USP54: variants seen among roughly 807,000 people sequenced by gnomAD.
USP54 encodes ubiquitin specific peptidase 54.
In USP54, 87 loss-of-function variants were observed where a neutral mutation model predicts 170.5. That is an observed-to-expected ratio of 0.51 (90% CI 0.43 to 0.61). The LOEUF (loss-of-function observed/expected upper bound fraction) is 0.61. USP54 is among the 20% of genes least tolerant of loss of function. The probability of loss-of-function intolerance (pLI) is 0.00; values close to 1 mark genes in which losing one functional copy is unlikely to be tolerated. For synonymous variants in USP54, 655 were observed against 742.8 expected, an observed-to-expected ratio of 0.88 and a Z score of 1.92; for missense variants, 1,786 against 2,047.8, an observed-to-expected ratio of 0.87 and a Z score of 2.47.
At chr10:73,522,485 T>C (rs1260586735) in intron 17 of USP54, among the ~76,000 whole-genome samples, 2 of 152,176 alleles carry the variant, frequency 1.3e-5, no homozygotes, top group African/African-American at 4.8e-5. Context: ...ATATTGCCAG[T>C]GGGATCTCCT....
Position 73,516,961 on chromosome 10 carries a change from C to G in USP54, c.3465G>C (p.Leu1155Phe). The G allele has an allele frequency of 1.2e-6, 2 of 1,614,212 alleles. No individual in the cohort carries two copies. Among genetic ancestry groups the G allele is most frequent in the Non-Finnish European group, 1.7e-6 (2 of 1,180,044 alleles). ...RDSTGFKDRS[L>F]SGSLRKNSSP... ...AAGAGTTCTTCCTTAGACTACCTGA[C>G]AAACTTCTATCCTTGAAACCTGTAC... The change falls in exon 20 of 24, where the codon TTG becomes TTC. Residue 1155 changes from leucine to phenylalanine, a missense_variant. Leu to Phe is a conservative substitution (Grantham distance 22). Around this residue, in one of 3 missense-constraint regions of USP54, gnomAD observed 1,418 missense variants for 1,569.0 expected, o/e 0.90. Coordinates refer to ENST00000687698, the MANE Select transcript of USP54 (RefSeq NM_001391956.1).
At chr10:73,589,440 T>G (rs1330597885) in intron 1 of USP54, among the ~76,000 whole-genome samples, 1 of 152,188 alleles carries the variant, frequency 6.6e-6, no homozygotes, top group Non-Finnish European at 1.5e-5. Context: ...AGCAATTTAT[T>G]AGGCCCCTGG....
chr10:73,570,277 C>T (rs1434912087), intron 4 of USP54, among the ~76,000 whole-genome samples: 2 of 151,988 alleles, frequency 1.3e-5, no homozygotes, highest in Non-Finnish European at 2.9e-5. Context: ...CATCATAGCT[C>T]TTTCTCTTTA....
At chr10:73,555,881 T>G (rs1450606326) in intron 4 of USP54, among the ~76,000 whole-genome samples, 1 of 152,172 alleles carries the variant, frequency 6.6e-6, no homozygotes, top group East Asian at 1.9e-4. Context: ...ACCCCTTCTA[T>G]TTGAATATCA....
intron 1 of USP54, among the ~76,000 whole-genome samples, chr10:73,580,818 A>T (rs1163068295): frequency 1.3e-5 from 2 of 152,062 alleles, no homozygotes; most frequent in African/African-American, 4.8e-5. Context: ...ACTTCAGGTG[A>T]TCCTCCCGCC....
chr10:73,603,074 C>G (rs951203402), intron 1 of USP54, among the ~76,000 whole-genome samples: 1 of 152,006 alleles, frequency 6.6e-6, no homozygotes, highest in Non-Finnish European at 1.5e-5. Flanking sequence ...AGGACCTTTG[C>G]AGTATTTTTA....
intron 1 of USP54, among the ~76,000 whole-genome samples, chr10:73,612,074 T>C (rs888773045): frequency 8.5e-5 from 13 of 152,092 alleles, no homozygotes; most frequent in Non-Finnish European, 5.9e-5. Context: ...ATCCCGCCAC[T>C]GCACTCCCAC....
At chr10:73,542,020 T>G (rs369843728) in intron 7 of USP54, 2 of 402,496 alleles carry the variant, frequency 5.0e-6, no homozygotes, top group Non-Finnish European at 9.2e-6. Flanking sequence ...AAAAATTATT[T>G]TTAAATTACT....
At chr10:73,596,432 G>A (rs1428849983) in intron 1 of USP54, among the ~76,000 whole-genome samples, 16 of 151,824 alleles carry the variant, frequency 1.1e-4, no homozygotes, top group South Asian at 4.2e-4. Flanking sequence ...AGTGGCGGGC[G>A]CCTGTAGTCC....
Position 73,530,204 on chromosome 10 carries a change from A to G in USP54, c.1767T>C (p.Phe589=). ...KRESLNIDSI[F]SKDKRKHCGY... ...CACAGTGCTTCCTTTTGTCCTTACT[A>G]AAGATACTGTCAATATTCAGAGATT... The change falls in exon 14 of 24, where the codon TTT becomes TTC. Residue 589 remains phenylalanine, a synonymous_variant. Coordinates refer to ENST00000687698, the MANE Select transcript of USP54 (RefSeq NM_001391956.1). 1.2e-6 allele frequency: 2 copies of G among 1,614,092 alleles called. No individual in the cohort carries two copies. Among genetic ancestry groups the G allele is most frequent in the South Asian group, 2.2e-5 (2 of 91,080 alleles).
chr10:73,536,467 C>A (rs147766439), intron 10 of USP54, 30 bp from the exon 11 acceptor site: 1 of 1,504,008 alleles, frequency 6.6e-7, no homozygotes, highest in East Asian at 2.3e-5. Flanking sequence ...AAGAACATGA[C>A]AATTATACTT....
intron 1 of USP54, among the ~76,000 whole-genome samples, chr10:73,583,255 G>C (rs1279857368): frequency 6.6e-6 from 1 of 152,156 alleles, no homozygotes; most frequent in Non-Finnish European, 1.5e-5. Flanking sequence ...TGCAGCTTGT[G>C]CAAGATGGCG....
intron 16 of USP54, among the ~76,000 whole-genome samples, chr10:73,525,705 T>C (rs1010420518): frequency 1.3e-5 from 2 of 152,252 alleles, no homozygotes; most frequent in Admixed American, 1.3e-4. Flanking sequence ...TCTCTAACTA[T>C]AACTTACTAG....
At chr10:73,571,390 T>C (rs1589211098) in intron 4 of USP54, 31 bp downstream of exon 4, 2 of 1,587,288 alleles carry the variant, frequency 1.3e-6, no homozygotes, top group East Asian at 4.5e-5. Context: ...CACCCAATGG[T>C]AGTGAGAAGA....
intron 4 of USP54, among the ~76,000 whole-genome samples, chr10:73,545,895 A>G (rs2067680758): frequency 1.3e-5 from 2 of 152,212 alleles, no homozygotes; most frequent in Admixed American, 1.3e-4. Flanking sequence ...TCTGAGTGTG[A>G]TGCCAAGGAC....
At chr10:73,568,079 A>T (rs868605284) in intron 4 of USP54, among the ~76,000 whole-genome samples, 1 of 151,810 alleles carries the variant, frequency 6.6e-6, no homozygotes, top group Non-Finnish European at 1.5e-5. Context: ...ATGTCCCACT[A>T]ATTTTTTTTT....
chr10:73,611,057 AAC>A (rs1213160067), intron 1 of USP54, among the ~76,000 whole-genome samples: 3 of 152,358 alleles, frequency 2.0e-5, no homozygotes, highest in South Asian at 4.1e-4. Flanking sequence ...CTAGAAAAGC[AAC>A]AGTGAGTTTT....
chr10:73,514,509 G>A (rs534453107), intron 20 of USP54, among the ~76,000 whole-genome samples: 1 of 151,736 alleles, frequency 6.6e-6, no homozygotes, highest in South Asian at 2.1e-4. Flanking sequence ...GTTGCAGTGA[G>A]CTGAGATCAC....
chr10:73,593,432 T>C (rs553369319), upstream of USP54, among the ~76,000 whole-genome samples: 8 of 150,036 alleles, frequency 5.3e-5, no homozygotes, highest in South Asian at 8.5e-4. Flanking sequence ...TTTGGGTACA[T>C]GATTGCTAAC....
Sources: gnomAD v4.1 joint callset for allele counts (sites outside exome capture counted in the v4.1 genomes callset) on GRCh38, gnomAD v4.1.1 for gene constraint, gnomAD v4.1.1 regional missense constraint, MANE v1.5 for transcripts, NCBI Gene and HGNC (gene_info 2026-07-23, HGNC 2026-07-21) for gene names.